The following SLC22A17 variants were observed in gnomAD, a reference collection of about 807,000 sequenced individuals.
SLC22A17 encodes the protein solute carrier family 22 member 17.
SLC22A17 carries 38 observed loss-of-function variants against 53.6 expected under a neutral mutation model. The observed-to-expected ratio is 0.71, with a 90% confidence interval of 0.55 to 0.93. SLC22A17 has a LOEUF of 0.93. Ranked by LOEUF, SLC22A17 falls within the 40% of genes least tolerant of loss-of-function variation. The pLI, the probability that SLC22A17 is intolerant of heterozygous loss-of-function variation, is 0.00. For missense variants in SLC22A17, 704 were observed against 791.0 expected, an observed-to-expected ratio of 0.89 and a Z score of 1.32; for synonymous variants, 379 against 353.0, an observed-to-expected ratio of 1.07 and a Z score of -0.82.
At position 23,347,617 on chromosome 14, in the gene SLC22A17, GAC is replaced by G. The variant is rs1182257085; in HGVS notation, c.1390_1391del (p.Val464LeufsTer36). 1 of 1,614,056 alleles carries G rather than the reference GAC, an allele frequency of 6.2e-7. No homozygotes were observed. The highest frequency in any genetic ancestry group is 2.2e-5 in the East Asian group (1 of 44,880). Reference sequence around the variant, plus strand: ...ATCGGTCCACGGTGACCCCCAGGAAGACACAGGCCAGGGCTGCGGTGCCGCTG... The same window carrying G: ...ATCGGTCCACGGTGACCCCCAGGAAGACAGGCCAGGGCTGCGGTGCCGCTG... On this transcript the variant is annotated frameshift_variant, in exon 8 of 10. Coordinates refer to ENST00000397267, the Ensembl canonical transcript of SLC22A17. LOFTEE classifies it high-confidence loss of function. This position sits in a 1 kb window ranked among gnomAD's most constrained non-coding sequence, Gnocchi z 5.1.
In SLC22A17 at chr14:23,347,042, G is replaced by A. The variant is rs1329971885; in HGVS notation, c.1661+59C>T. 1.3e-6 allele frequency: 2 copies of A among 1,536,030 alleles called. No individual in the cohort carries two copies. The highest frequency in any genetic ancestry group is 2.3e-5 in the East Asian group (1 of 42,702). On this transcript the variant is annotated intron_variant, in intron 9 of 9. Transcript: ENST00000397267. The surrounding 1 kb of genome is among the most constrained non-coding windows in gnomAD (Gnocchi z 5.1). Reference sequence around the variant, plus strand: ...CGCAGGCCCTGTCCTCAGGGGTGGGGTGGGGGAGCGGGAGGCGAGGGGGCC... The same window carrying A: ...CGCAGGCCCTGTCCTCAGGGGTGGGATGGGGGAGCGGGAGGCGAGGGGGCC...
Position 23,347,866 on chromosome 14 carries a change from C to G in SLC22A17, c.1277+25G>C. The G allele has an allele frequency of 6.2e-7, 1 of 1,613,468 alleles. No individual in the cohort carries two copies. Among genetic ancestry groups the G allele is most frequent in the South Asian group, 1.1e-5 (1 of 91,062 alleles). ...CCCCCATTCCAGCTACTGGCCTGGCCCTCAGCCCAGACACCCAGGCTCACT... is the reference window on the plus strand; with the variant it reads ...CCCCCATTCCAGCTACTGGCCTGGCGCTCAGCCCAGACACCCAGGCTCACT... On this transcript the variant is annotated intron_variant, in intron 7 of 9. Transcript: ENST00000397267. This position sits in a 1 kb window ranked among gnomAD's most constrained non-coding sequence, Gnocchi z 5.1.
chr14:23,349,954 G>A (rs1889519898), intron 3 of SLC22A17, among the ~76,000 whole-genome samples: 1 of 152,156 alleles, frequency 6.6e-6, no homozygotes, highest in Admixed American at 6.5e-5. Flanking sequence ...CTGAGTAATT[G>A]ATTTTTGGAG....
Position 23,352,623 on chromosome 14 carries a change from C to G in SLC22A17, c.96+23G>C, listed in dbSNP as rs1889715140. Reference sequence around the variant, plus strand: ...GGGGTGCTGGGAGAGGATGGCGTCGCCACCTGGGGCTCGGGCACTTACTCC... The same window carrying G: ...GGGGTGCTGGGAGAGGATGGCGTCGGCACCTGGGGCTCGGGCACTTACTCC... On this transcript the variant is annotated intron_variant, in intron 1 of 9. Transcript: ENST00000397267. This position sits in a 1 kb window ranked among gnomAD's most constrained non-coding sequence, Gnocchi z 7.2. 2 of 411,076 alleles carry G rather than the reference C, an allele frequency of 4.9e-6. No homozygotes were observed. The highest frequency in any genetic ancestry group is 8.5e-6 in the Non-Finnish European group (2 of 234,956). The allele number at this position is 411,076 out of a possible 1,614,324, so 25.5% of individuals were successfully genotyped here.
chr14:23,352,864 C>G lies in SLC22A17; in HGVS notation c.-123G>C. On this transcript the variant is annotated 5_prime_UTR_variant, in exon 1 of 10. Coordinates refer to ENST00000397267, the Ensembl canonical transcript of SLC22A17. The surrounding 1 kb of genome is among the most constrained non-coding windows in gnomAD (Gnocchi z 7.2). ...AGATCCCGCTCTGCAGCTCTGCAGC[C>G]GCGGGCGCCTCCTTGGTCTCTGCGA... 2.5e-6 allele frequency: 1 copy of G among 397,622 alleles called. No homozygotes were observed. The highest frequency in any genetic ancestry group is 4.4e-6 in the Non-Finnish European group (1 of 225,426). 24.6% of individuals were successfully genotyped at this position (397,622 alleles called of 1,614,324 possible). A position where few individuals can be genotyped will look rare whatever the true frequency, so the allele number is the denominator to read the frequency against.
At chr14:23,349,557 G>T in intron 3 of SLC22A17, 131 bp from the exon 4 acceptor site, 1 of 1,132,904 alleles carries the variant, frequency 8.8e-7, no homozygotes, top group Non-Finnish European at 1.2e-6. Flanking sequence ...TTGGACAGAG[G>T]CTTGAGAAGA....
At position 23,347,032 on chromosome 14, in the gene SLC22A17, C is replaced by A; in HGVS notation, c.1661+69G>T. 6.5e-7 allele frequency: 1 copy of A among 1,527,136 alleles called. No individual in the cohort carries two copies. The highest frequency in any genetic ancestry group is 8.8e-7 in the Non-Finnish European group (1 of 1,136,460). 94.6% of individuals were successfully genotyped at this position (1,527,136 alleles called of 1,614,324 possible). A position where few individuals can be genotyped will look rare whatever the true frequency, so the allele number is the denominator to read the frequency against. ...TCCTCCAGCCCGCAGGCCCTGTCCT[C>A]AGGGGTGGGGTGGGGGAGCGGGAGG... On this transcript the variant is annotated intron_variant, in intron 9 of 9. Coordinates refer to ENST00000397267, the Ensembl canonical transcript of SLC22A17. The surrounding 1 kb of genome is among the most constrained non-coding windows in gnomAD (Gnocchi z 5.1).
chr14:23,350,075 G>C (rs1435106099), intron 3 of SLC22A17, among the ~76,000 whole-genome samples: 1 of 152,156 alleles, frequency 6.6e-6, no homozygotes, highest in East Asian at 1.9e-4. Context: ...GGAGGCCGAG[G>C]CTGGCAGATC....
In SLC22A17 at chr14:23,349,413, C is replaced by T. The variant is rs764575061; in HGVS notation, c.718G>A (p.Gly240Arg). 105 of 1,612,466 alleles carry T rather than the reference C, an allele frequency of 6.5e-5. 1 individual carries two copies. The highest frequency in any genetic ancestry group is 3.5e-4 in the Middle Eastern group (2 of 5,716). The change falls in exon 4 of 10, where the codon GGG becomes AGG. Residue 240 changes from glycine (G) to arginine (R), a missense_variant. By Grantham distance (125) the Gly-to-Arg change is moderately radical (BLOSUM62 -2). Transcript: ENST00000397267. ...AGCCCCAAGGTCAGCAGCACAATCC[C>T]GCGACGGCCAAATCTAGAAAGTGGG...
Position 23,348,614 on chromosome 14 carries a change from A to G in SLC22A17, c.917T>C (p.Val306Ala). ...GAACAGGAAGTGCCCTCCCACCCCC[A>G]CCAACTCCCCTGCCAGGGCCACCCG... Residue 306 changes from valine to alanine, a missense_variant, in exon 5 of 10, where the codon GTG (valine) becomes GCG (alanine). By Grantham distance (64) the Val-to-Ala change is moderately conservative. Around this residue, in one of 4 missense-constraint regions of SLC22A17, gnomAD observed 435 missense variants for 529.0 expected, o/e 0.82. Transcript: ENST00000397267. The surrounding 1 kb of genome is among the most constrained non-coding windows in gnomAD (Gnocchi z 4.5). The G allele has an allele frequency of 1.2e-6, 2 of 1,613,732 alleles. No individual in the cohort carries two copies. The highest frequency in any genetic ancestry group is 1.7e-6 in the Non-Finnish European group (2 of 1,179,868).
chr14:23,346,966 C>T (rs1216636845), intron 9 of SLC22A17, 30 bp from the exon 10 acceptor site: 2 of 1,516,814 alleles, frequency 1.3e-6, no homozygotes, highest in Non-Finnish European at 1.8e-6. Flanking sequence ...GAGCTCAGCC[C>T]ACAGCTGTAG....
At position 23,348,856 on chromosome 14, in the gene SLC22A17, T is replaced by G; in HGVS notation, c.860-185A>C. On this transcript the variant is annotated intron_variant, in intron 4 of 9. Transcript: ENST00000397267. This position sits in a 1 kb window ranked among gnomAD's most constrained non-coding sequence, Gnocchi z 4.5. ...ACTGGGGAGACTGTTCAGCCCTCTC[T>G]CCTCTCCTGCTCAAACCTAGGAGGG... 3.1e-6 allele frequency: 2 copies of G among 651,998 alleles called. No homozygotes were observed. The highest frequency in any genetic ancestry group is 5.5e-5 in the East Asian group (2 of 36,324). The allele number at this position is 651,998 out of a possible 1,614,324, so 40.4% of individuals were successfully genotyped here. A position where few individuals can be genotyped will look rare whatever the true frequency, so the allele number is the denominator to read the frequency against.
rs536911269 is a variant in SLC22A17 at position 23,348,927 on chromosome 14, T to A, written c.860-256A>T. 2 of 595,266 alleles carry A rather than the reference T, an allele frequency of 3.4e-6. No individual in the cohort carries two copies. The highest frequency in any genetic ancestry group is 5.9e-6 in the Non-Finnish European group (2 of 336,600). The allele number at this position is 595,266 out of a possible 1,614,324, so 36.9% of individuals were successfully genotyped here. ...GTGAGTGTTCAACATTTCCAATTTA[T>A]AGGCCCTTTCCCATCAGGCCTCTTA... On this transcript the variant is annotated intron_variant, in intron 4 of 9. Coordinates refer to ENST00000397267, the Ensembl canonical transcript of SLC22A17. The surrounding 1 kb of genome is among the most constrained non-coding windows in gnomAD (Gnocchi z 4.5).
chr14:23,347,304 G>C lies in SLC22A17; in HGVS notation c.1550-92C>G. On this transcript the variant is annotated intron_variant, in intron 8 of 9. Coordinates refer to ENST00000397267, the Ensembl canonical transcript of SLC22A17. The surrounding 1 kb of genome is among the most constrained non-coding windows in gnomAD (Gnocchi z 5.1). ...CATCCCCTTGGCTCTCTGTTCCCAT[G>C]GCTCTAGCTGGGCAGGCTCTGGGCA... 3.4e-6 allele frequency: 5 copies of C among 1,466,144 alleles called. No homozygotes were observed. The South Asian group carries it at 6.6e-5, about 19-fold the overall frequency. The allele number at this position is 1,466,144 out of a possible 1,614,324, so 90.8% of individuals were successfully genotyped here. A position where few individuals can be genotyped will look rare whatever the true frequency, so the allele number is the denominator to read the frequency against.
chr14:23,351,713 C>T (rs771459884), intron 3 of SLC22A17, 39 bp downstream of exon 3: 2 of 1,570,346 alleles, frequency 1.3e-6, no homozygotes, highest in Non-Finnish European at 1.7e-6. Context: ...CCTAGCACCC[C>T]CTCCTTTCTA....
chr14:23,351,940 C>T lies in SLC22A17; in HGVS notation c.600+8G>A. 6.2e-7 allele frequency: 1 copy of T among 1,612,016 alleles called. No homozygotes were observed. The highest frequency in any genetic ancestry group is 1.7e-4 in the Middle Eastern group (1 of 6,056). ...CCCCCAGACCCGCGGCCCGCCTGGC[C>T]GCCTCACCTGGCCGATGGCGTTGGT... On this transcript the variant is annotated splice_region_variant and intron_variant, in intron 2 of 9. Coordinates refer to ENST00000397267, the Ensembl canonical transcript of SLC22A17.
chr14:23,351,766 A>T, exon 3 of SLC22A17: 3 of 1,613,088 alleles, frequency 1.9e-6, no homozygotes, highest in Non-Finnish European at 2.5e-6. Context: ...CTGCGGGGTA[A>T]CCCAGGAACA....
At chr14:23,350,611 G>T (rs745640155) in intron 3 of SLC22A17, among the ~76,000 whole-genome samples, 17 of 152,282 alleles carry the variant, frequency 1.1e-4, no homozygotes, top group Non-Finnish European at 2.1e-4. Context: ...TTGCAAAAGG[G>T]GCACCAATCC....
Position 23,348,471 on chromosome 14 carries a change from G to A in SLC22A17, c.1025+35C>T. ...AGGGCTAGTTTGGAGGCAGAGATGG[G>A]AATTGCCAGACGACAGGTGAAGGGT... On this transcript the variant is annotated intron_variant, in intron 5 of 9. Transcript: ENST00000397267. The surrounding 1 kb of genome is among the most constrained non-coding windows in gnomAD (Gnocchi z 4.5). The A allele has an allele frequency of 6.9e-6, 11 of 1,603,270 alleles. No individual in the cohort carries two copies. The highest frequency in any genetic ancestry group is 8.5e-6 in the Non-Finnish European group (10 of 1,173,192).
Sources: gnomAD v4.1 joint callset for allele counts (sites outside exome capture counted in the v4.1 genomes callset) on GRCh38, gnomAD v4.1.1 for gene constraint, gnomAD v4.1.1 regional missense constraint, Gnocchi (gnomAD v3.1) non-coding constraint, MANE v1.5 for transcripts, NCBI Gene and HGNC (gene_info 2026-07-23, HGNC 2026-07-21) for gene names.